MORC3: variants seen among roughly 807,000 people sequenced by gnomAD.
The protein encoded by MORC3 is MORC family CW-type zinc finger protein 3.
Under a neutral mutation model 109.1 loss-of-function variants are expected in MORC3, and 31 were observed. The observed-to-expected ratio is 0.28, with a 90% CI of 0.21 to 0.38. MORC3 has a LOEUF of 0.38. Among genes scored for constraint, MORC3 ranks in the 10% least tolerant of loss-of-function variants. MORC3 has a pLI of 1.00. For missense variants in MORC3, 867 were observed against 1,135.8 expected, an observed-to-expected ratio of 0.76 and a Z score of 3.40; for synonymous variants, 395 against 380.7, an observed-to-expected ratio of 1.04 and a Z score of -0.44.
intron 12 of MORC3, chr21:36,360,597 G>A (rs1300846615): frequency 1.6e-5 from 5 of 303,964 alleles, no homozygotes; most frequent in Admixed American, 4.8e-5. Flanking sequence ...TACCAGTTAC[G>A]TGTTGGTGAG....
At chr21:36,341,635 A>G in intron 6 of MORC3, 89 bp downstream of exon 6, 1 of 1,539,002 alleles carries the variant, frequency 6.5e-7, no homozygotes, top group South Asian at 1.2e-5. Flanking sequence ...TGTGATAGAA[A>G]GGCTGCCAGT....
At chr21:36,370,789 C>T (rs768001542) in intron 15 of MORC3, among the ~76,000 whole-genome samples, 18 of 151,454 alleles carry the variant, frequency 1.2e-4, no homozygotes, top group East Asian at 3.9e-4. Flanking sequence ...CCTGCCTCAG[C>T]GTCCCGAGTA....
rs1429514029 is a variant in MORC3 at position 36,369,714 on chromosome 21, G to A, written c.2346G>A (p.Arg782=). 6.2e-6 allele frequency: 10 copies of A among 1,614,012 alleles called. No homozygotes were observed. The highest frequency in any genetic ancestry group is 7.6e-6 in the Non-Finnish European group (9 of 1,180,034). ...AGCAAGCTTTGGAAGAAATAGAAAG[G>A]CTGAAAAAACAATGTAGTGCTTTGC... is the stretch of plus-strand genomic sequence containing the variant. ...QYQQALEEIE[R]LKKQCSALQH... The change falls in exon 15 of 17, where the codon AGG becomes AGA. Residue 782 remains arginine (R), a synonymous_variant. Coordinates refer to ENST00000400485, the MANE Select transcript of MORC3 (RefSeq NM_015358.3).
At chr21:36,322,441 G>A (rs545819957) in intron 1 of MORC3, among the ~76,000 whole-genome samples, 2 of 151,974 alleles carry the variant, frequency 1.3e-5, no homozygotes, top group East Asian at 1.9e-4. Flanking sequence ...GCACGATCTC[G>A]GCTCACTGCA....
chr21:36,370,002 G>A, intron 15 of MORC3, 126 bp downstream of exon 15: 2 of 1,091,246 alleles, frequency 1.8e-6, no homozygotes, highest in South Asian at 3.1e-5. Flanking sequence ...CAAGGCGGGT[G>A]GGTCAGTCAC....
rs771022784 is a variant in MORC3 at position 36,333,778 on chromosome 21, TGTTTTG to T, written c.112+61_112+66del. The T allele has an allele frequency of 3.5e-4, 458 of 1,300,240 alleles. 1 individual carries two copies. Among genetic ancestry groups the T allele is most frequent in the Admixed American group, 7.9e-4 (36 of 45,494 alleles). The allele number at this position is 1,300,240 out of a possible 1,614,324, so 80.5% of individuals were successfully genotyped here. Reference sequence around the variant, plus strand: ...CTTACAATTGTAGTGTTTTTTTTTTTGTTTTGTTTTGTTTTTTTTTTTTAAACAGAG... The same window carrying T: ...CTTACAATTGTAGTGTTTTTTTTTTTTTTTGTTTTTTTTTTTTAAACAGAG... On this transcript the variant is annotated intron_variant, in intron 2 of 16. Transcript: ENST00000400485.
At chr21:36,373,005 A>T (rs2085887183) in intron 16 of MORC3, among the ~76,000 whole-genome samples, 1 of 152,156 alleles carries the variant, frequency 6.6e-6, no homozygotes, top group Non-Finnish European at 1.5e-5. Context: ...ATTATTAAAA[A>T]TTGCCATAGT....
At chr21:36,333,065 G>T (rs552433813) in intron 1 of MORC3, among the ~76,000 whole-genome samples, 4 of 152,254 alleles carry the variant, frequency 2.6e-5, no homozygotes, top group South Asian at 4.1e-4. Flanking sequence ...GGGATTACAG[G>T]CATGAGCCAC....
Position 36,344,560 on chromosome 21 carries a change from T to C in MORC3, c.757-19T>C. 1 of 1,610,084 alleles carries C rather than the reference T, an allele frequency of 6.2e-7. No homozygotes were observed. Among genetic ancestry groups the C allele is most frequent in the Non-Finnish European group, 8.5e-7 (1 of 1,178,094 alleles). ...GAGCAAACCTGTAGATACTAACTTC[T>C]TGTTATGTTATTTTCCAGGCTTATT... On this transcript the variant is annotated intron_variant, in intron 6 of 16. Transcript: ENST00000400485.
At chr21:36,346,138 A>G (rs1411515732) in intron 8 of MORC3, among the ~76,000 whole-genome samples, 1 of 152,144 alleles carries the variant, frequency 6.6e-6, no homozygotes, top group Non-Finnish European at 1.5e-5. Flanking sequence ...CTCGGGCCTT[A>G]GCCTCCCAAG....
chr21:36,351,319 G>A (rs765175021), intron 9 of MORC3, among the ~76,000 whole-genome samples: 2 of 151,982 alleles, frequency 1.3e-5, no homozygotes, highest in African/African-American at 2.4e-5. Context: ...ACCCGCCTTG[G>A]CCTCCCAAAA....
At chr21:36,370,635 A>ATTTTTTTTTTTTTTTTTTTTTTTTTTT (rs1361206395) in intron 15 of MORC3, among the ~76,000 whole-genome samples, 1 of 42,004 alleles carries the variant, frequency 2.4e-5, no homozygotes, top group Non-Finnish European at 4.5e-5. Flanking sequence ...ATATATATAT[A>ATTTTTTTTTTTTTTTTTTTTTTTTTTT]TATATTTTTT....
chr21:36,337,957 G>A lies in MORC3; in HGVS notation c.460+11G>A, dbSNP rs2085392516. On this transcript the variant is annotated intron_variant, in intron 4 of 16. Transcript: ENST00000400485. ...CATTCAACAAGCACCATATCCTTTT[G>A]GTTGTGAAATAAAAGCTGTGGAGAA... 6.2e-7 allele frequency: 1 copy of A among 1,609,068 alleles called. No homozygotes were observed. Among genetic ancestry groups the A allele is most frequent in the African/African-American group, 1.3e-5 (1 of 74,608 alleles).
intron 1 of MORC3, among the ~76,000 whole-genome samples, chr21:36,321,116 TAG>T (rs1030942517): frequency 6.6e-6 from 1 of 152,204 alleles, no homozygotes; most frequent in Non-Finnish European, 1.5e-5. Context: ...ATGACTGCCC[TAG>T]TGCCACTAAT....
At chr21:36,325,330 T>C (rs965488776) in intron 1 of MORC3, among the ~76,000 whole-genome samples, 12 of 152,270 alleles carry the variant, frequency 7.9e-5, no homozygotes, top group African/African-American at 2.7e-4. Context: ...GGAGGAATTC[T>C]ACGTCTGGTC....
chr21:36,363,888 T>C (rs959134021), intron 13 of MORC3, among the ~76,000 whole-genome samples: 1 of 152,224 alleles, frequency 6.6e-6, no homozygotes, highest in African/African-American at 2.4e-5. Context: ...CTTTTAAAAA[T>C]ACAAAGCCAT....
chr21:36,360,137 G>A, intron 11 of MORC3, 47 bp from the exon 12 acceptor site: 1 of 1,613,998 alleles, frequency 6.2e-7, no homozygotes, highest in Admixed American at 1.7e-5. Flanking sequence ...CACAGTGTAT[G>A]AATAGGCGCT....
chr21:36,357,145 T>C (rs999441820), intron 10 of MORC3, among the ~76,000 whole-genome samples: 1 of 152,178 alleles, frequency 6.6e-6, no homozygotes, highest in African/African-American at 2.4e-5. Context: ...ATGGGAACAT[T>C]AAGAGCATTT....
rs965275612 is a variant in MORC3, at chr21:36,320,322, T to G, written c.39+19T>G. ...CAGCGCGGTGAGCAGCCGCGAGGGG[T>G]GGAGCGGGCCGTGTCCCAGGAGGGC... On this transcript the variant is annotated intron_variant, in intron 1 of 16. Coordinates refer to ENST00000400485, the MANE Select transcript of MORC3 (RefSeq NM_015358.3). 1.4e-6 allele frequency: 2 copies of G among 1,472,684 alleles called. No homozygotes were observed. Among genetic ancestry groups the G allele is most frequent in the Non-Finnish European group, 1.8e-6 (2 of 1,104,460 alleles). The allele number at this position is 1,472,684 out of a possible 1,614,324, so 91.2% of individuals were successfully genotyped here.
Sources: gnomAD v4.1 joint callset for allele counts (sites outside exome capture counted in the v4.1 genomes callset) on GRCh38, gnomAD v4.1.1 for gene constraint, MANE v1.5 for transcripts, NCBI Gene and HGNC (gene_info 2026-07-23, HGNC 2026-07-21) for gene names.